The following KCNQ3 variants were observed in gnomAD, a reference collection of about 807,000 sequenced individuals.
KCNQ3 encodes potassium voltage-gated channel subfamily Q member 3, also known as potassium voltage-gated channel subfamily KQT member 3.
A neutral mutation model predicts 92.5 loss-of-function variants in KCNQ3; 30 were observed. The observed-to-expected ratio is 0.32, with a 90% CI of 0.24 to 0.44. The LOEUF is 0.44. Among genes scored for constraint, KCNQ3 ranks in the 20% least tolerant of loss-of-function variants. KCNQ3 has a pLI of 1.00. For synonymous variants in KCNQ3, 450 were observed against 468.8 expected (o/e 0.96, Z 0.52); for missense variants, 913 against 1,140.3 (o/e 0.80, Z 2.87).
chr8:132,447,043 C>T (rs1166813171), intron 1 of KCNQ3, among the ~76,000 whole-genome samples: 3 of 152,298 alleles, frequency 2.0e-5, no homozygotes. Flanking sequence ...CCACAACAAA[C>T]ATTTCCTGAG....
chr8:132,134,125 C>T (rs1008438481), intron 13 of KCNQ3, among the ~76,000 whole-genome samples, 165 bp downstream of exon 13: 10 of 152,166 alleles, frequency 6.6e-5, no homozygotes. Context: ...TGTACAGAAA[C>T]CTTTCAAATG....
chr8:132,310,541 C>A (rs1817565429), intron 1 of KCNQ3, among the ~76,000 whole-genome samples: 1 of 152,176 alleles, frequency 6.6e-6, no homozygotes, highest in South Asian at 2.1e-4. Context: ...GCTGGTCTTC[C>A]ACTTCTGTGA....
chr8:132,269,989 T>C (rs1332840301), intron 1 of KCNQ3, among the ~76,000 whole-genome samples: 1 of 152,234 alleles, frequency 6.6e-6, no homozygotes, highest in African/African-American at 2.4e-5. Flanking sequence ...ATTTACATTT[T>C]GATCACCAGC....
chr8:132,359,957 C>G (rs763600375), intron 1 of KCNQ3, among the ~76,000 whole-genome samples: 3 of 152,186 alleles, frequency 2.0e-5, no homozygotes, highest in Non-Finnish European at 4.4e-5. Flanking sequence ...CCCCTTGGAT[C>G]TGATACAGAT....
chr8:132,205,467 CACTT>C (rs1190238176), intron 1 of KCNQ3, among the ~76,000 whole-genome samples: 1 of 152,318 alleles, frequency 6.6e-6, no homozygotes, highest in Non-Finnish European at 1.5e-5. Context: ...ATTTAACAAA[CACTT>C]ACAGAGCACC....
intron 1 of KCNQ3, among the ~76,000 whole-genome samples, chr8:132,343,260 A>T (rs1818588409): frequency 6.6e-6 from 1 of 152,240 alleles, no homozygotes; most frequent in Admixed American, 6.5e-5. Flanking sequence ...TATTGAGAGT[A>T]CACTGTGTTC....
At chr8:132,184,392 GCACTGATTAACCGAGATC>G in intron 2 of KCNQ3, 25 bp from the exon 3 acceptor site, 1 of 1,613,130 alleles carries the variant, frequency 6.2e-7, no homozygotes, top group Non-Finnish European at 8.5e-7. Context: ...ATATGGAGAG[GCACTGATTAACCGAGATC>G]CACTTGTCGG....
At chr8:132,273,907 C>G (rs567034014) in intron 1 of KCNQ3, among the ~76,000 whole-genome samples, 4 of 152,308 alleles carry the variant, frequency 2.6e-5, no homozygotes, top group African/African-American at 9.6e-5. Context: ...CCACCTCAAC[C>G]TGGATTTCAT....
chr8:132,322,749 T>C (rs1817928623), intron 1 of KCNQ3, among the ~76,000 whole-genome samples: 1 of 152,176 alleles, frequency 6.6e-6, no homozygotes, highest in South Asian at 2.1e-4. Flanking sequence ...GCAGAAAGCT[T>C]TGTCCTCATC....
At chr8:132,425,234 G>C (rs1183653312) in intron 1 of KCNQ3, among the ~76,000 whole-genome samples, 1 of 152,198 alleles carries the variant, frequency 6.6e-6, no homozygotes, top group Non-Finnish European at 1.5e-5. Flanking sequence ...AAAGAGAAGA[G>C]CTGCTATTTA....
chr8:132,159,580 G>T (rs1041900338), intron 9 of KCNQ3, among the ~76,000 whole-genome samples: 5 of 152,174 alleles, frequency 3.3e-5, no homozygotes, highest in African/African-American at 1.2e-4. Context: ...AGAAGAGAGA[G>T]GAAATATATG....
chr8:132,172,309 C>G (rs1826393150), intron 7 of KCNQ3, among the ~76,000 whole-genome samples: 1 of 151,992 alleles, frequency 6.6e-6, no homozygotes, highest in African/African-American at 2.4e-5. Context: ...CACAGAAGAA[C>G]AGGTGAAATA....
intron 1 of KCNQ3, chr8:132,447,119 C>G (rs1222914306): frequency 1.6e-6 from 2 of 1,271,308 alleles, no homozygotes; most frequent in Non-Finnish European, 2.2e-6. Flanking sequence ...GCATGTGGCT[C>G]TTTCCCTCTC....
chr8:132,254,637 G>A (rs1004412601), intron 1 of KCNQ3, among the ~76,000 whole-genome samples: 1 of 152,146 alleles, frequency 6.6e-6, no homozygotes, highest in African/African-American at 2.4e-5. Flanking sequence ...ATCTCGGTAC[G>A]TTGAGAGGCC....
At chr8:132,470,358 TATAAC>T (rs1172110880) in intron 1 of KCNQ3, among the ~76,000 whole-genome samples, 2 of 152,248 alleles carry the variant, frequency 1.3e-5, no homozygotes, top group African/African-American at 2.4e-5. Context: ...AAAGGAATAA[TATAAC>T]ATACATATAT....
intron 9 of KCNQ3, among the ~76,000 whole-genome samples, chr8:132,162,138 T>C (rs7008160): frequency 0.088 from 13,341 of 152,212 alleles, 654 homozygotes; most frequent in South Asian, 0.12. Context: ...AGAAGCCCCT[T>C]TTCTAGGGAG....
rs549022417 is a variant in KCNQ3 at position 132,173,891 on chromosome 8, G to C, written c.1044+348C>G. ...TGCATGAATGAAAAATATAATCCCAGAACCCAAGGAATTCACAGTCCTCTG... is the reference window on the plus strand; with the variant it reads ...TGCATGAATGAAAAATATAATCCCACAACCCAAGGAATTCACAGTCCTCTG... On this transcript the variant is annotated intron_variant, in intron 6 of 14. Coordinates refer to ENST00000388996, the MANE Select transcript of KCNQ3 (RefSeq NM_004519.4). Among the ~76,000 whole-genome samples the C allele has an allele frequency of 4.6e-5, 7 of 152,314 alleles. No homozygotes were observed. In the East Asian group the frequency reaches 1.4e-3, roughly 29 times the overall value.
intron 4 of KCNQ3, among the ~76,000 whole-genome samples, chr8:132,179,481 T>C (rs1470265687): frequency 6.6e-6 from 1 of 152,078 alleles, no homozygotes; most frequent in Non-Finnish European, 1.5e-5. Context: ...TTCTTGTCAG[T>C]GTAATGGAGT....
intron 3 of KCNQ3, among the ~76,000 whole-genome samples, chr8:132,183,400 C>A (rs1239584400): frequency 6.6e-6 from 1 of 152,078 alleles, no homozygotes; most frequent in Non-Finnish European, 1.5e-5. Flanking sequence ...GCCAGGTGAC[C>A]ACTTAATGGC....
Sources: gnomAD v4.1 joint callset for allele counts (sites outside exome capture counted in the v4.1 genomes callset) on GRCh38, gnomAD v4.1.1 for gene constraint, MANE v1.5 for transcripts, NCBI Gene and HGNC (gene_info 2026-07-23, HGNC 2026-07-21) for gene names.